The following DSE variants were observed in gnomAD, a reference collection of about 807,000 sequenced individuals.
The protein encoded by DSE is dermatan sulfate epimerase, also known as dermatan-sulfate epimerase.
In DSE, 36 loss-of-function variants were observed where a neutral mutation model predicts 84.4. The ratio of observed to expected loss-of-function variants is 0.43; its 90% CI spans 0.33 to 0.56. DSE has a LOEUF of 0.56. DSE is among the 20% of genes least tolerant of loss of function. DSE has a pLI of 0.06. For missense variants in DSE, 862 were observed against 1,169.6 expected (o/e 0.74, Z 3.84); for synonymous variants, 410 against 430.1 (o/e 0.95, Z 0.58).
chr6:116,281,012 T>C (rs987145558), intron 2 of DSE, among the ~76,000 whole-genome samples: 2 of 152,182 alleles, frequency 1.3e-5, no homozygotes, highest in Non-Finnish European at 1.5e-5. Flanking sequence ...TTCGCAGATA[T>C]GATTAAGTTA....
chr6:116,338,171 CTTTCTCTT>C (rs201859403), intron 2 of DSE, among the ~76,000 whole-genome samples: 1,069 of 44,494 alleles, frequency 0.024, 14 homozygotes, highest in African/African-American at 0.044. Flanking sequence ...CTTTCTGTCT[CTTTCTCTT>C]TCTTTCTTTC....
At chr6:116,424,686 G>A (rs1783315791) in intron 2 of DSE, among the ~76,000 whole-genome samples, 1 of 152,120 alleles carries the variant, frequency 6.6e-6, no homozygotes, top group Non-Finnish European at 1.5e-5. Context: ...TCTAGGAGGG[G>A]AAACATATAC....
At chr6:116,428,866 G>A (rs939781692) in intron 3 of DSE, among the ~76,000 whole-genome samples, 1 of 152,122 alleles carries the variant, frequency 6.6e-6, no homozygotes, top group Non-Finnish European at 1.5e-5. Flanking sequence ...AACATTCCAG[G>A]CAAGGTATTC....
intron 2 of DSE, chr6:116,279,451 C>T: frequency 6.2e-7 from 1 of 1,613,358 alleles, no homozygotes; most frequent in Non-Finnish European, 8.5e-7. Flanking sequence ...CTTCTCTCCA[C>T]CCTGAACGCC....
At chr6:116,295,401 T>C (rs983238839) in intron 2 of DSE, among the ~76,000 whole-genome samples, 1 of 152,210 alleles carries the variant, frequency 6.6e-6, no homozygotes, top group African/African-American at 2.4e-5. Flanking sequence ...ACTACATCCA[T>C]TGATTTTTTT....
intron 2 of DSE, among the ~76,000 whole-genome samples, chr6:116,425,238 A>G (rs532386706): frequency 6.6e-6 from 1 of 152,332 alleles, no homozygotes; most frequent in Non-Finnish European, 1.5e-5. Flanking sequence ...ATTTCCATGT[A>G]TCCTTACATA....
intron 2 of DSE, among the ~76,000 whole-genome samples, chr6:116,406,101 G>A (rs557643915): frequency 3.9e-5 from 6 of 152,166 alleles, no homozygotes; most frequent in African/African-American, 1.4e-4. Context: ...TATGTTTATT[G>A]ACTCTAAGAT....
intron 2 of DSE, among the ~76,000 whole-genome samples, chr6:116,300,824 A>G (rs1774993469): frequency 1.3e-5 from 2 of 152,222 alleles, no homozygotes; most frequent in South Asian, 4.1e-4. Flanking sequence ...TCCTAATGCC[A>G]GCAGGCAGCA....
intron 2 of DSE, among the ~76,000 whole-genome samples, chr6:116,405,147 A>G (rs1367376286): frequency 6.6e-6 from 1 of 152,240 alleles, no homozygotes; most frequent in African/African-American, 2.4e-5. Context: ...AACCAGTTTC[A>G]TTGCTGTACG....
intron 2 of DSE, among the ~76,000 whole-genome samples, chr6:116,407,487 A>G (rs1270232904): frequency 1.3e-5 from 2 of 152,222 alleles, no homozygotes; most frequent in Non-Finnish European, 2.9e-5. Context: ...GCAAGGGCTC[A>G]TAGATAACCT....
At chr6:116,349,691 G>A (rs562695897) in intron 2 of DSE, among the ~76,000 whole-genome samples, 2 of 152,128 alleles carry the variant, frequency 1.3e-5, no homozygotes, top group Non-Finnish European at 2.9e-5. Context: ...GAAGCTGCCT[G>A]TCCTCATGGC....
At chr6:116,420,555 C>T (rs1035256054) in intron 2 of DSE, among the ~76,000 whole-genome samples, 7 of 152,186 alleles carry the variant, frequency 4.6e-5, no homozygotes, top group Non-Finnish European at 8.8e-5. Flanking sequence ...CCTGACCATG[C>T]GGGCACCCTG....
chr6:116,258,597 C>T (rs1344472612), exon 2 of DSE: 1 of 1,610,842 alleles, frequency 6.2e-7, no homozygotes. Context: ...GCTCCTCTGC[C>T]AGGCACTCAG....
chr6:116,380,716 C>A (rs1164319556), intron 1 of DSE, among the ~76,000 whole-genome samples: 1 of 152,188 alleles, frequency 6.6e-6, no homozygotes, highest in Non-Finnish European at 1.5e-5. Flanking sequence ...AAGTCTCAGA[C>A]CCTGCCTCCC....
intron 2 of DSE, among the ~76,000 whole-genome samples, chr6:116,263,352 A>T (rs1354721887): frequency 2.1e-5 from 3 of 145,140 alleles, no homozygotes; most frequent in African/African-American, 7.3e-5. Flanking sequence ...CCATTATGTA[A>T]TGCCCTTCTT....
intron 2 of DSE, among the ~76,000 whole-genome samples, chr6:116,353,718 C>T (rs1308895417): frequency 2.0e-5 from 3 of 152,176 alleles, no homozygotes; most frequent in African/African-American, 4.8e-5. Context: ...ATCTGACTGT[C>T]TCCAACCATT....
At chr6:116,360,963 T>C (rs927162257) in intron 2 of DSE, among the ~76,000 whole-genome samples, 3 of 152,220 alleles carry the variant, frequency 2.0e-5, no homozygotes, top group Non-Finnish European at 4.4e-5. Flanking sequence ...ACAGCTATTA[T>C]TGTAAAATTT....
intron 2 of DSE, among the ~76,000 whole-genome samples, chr6:116,421,463 A>ATATATATATATATATTTTTTTTTTTTTTT (rs1357496121): frequency 1.6e-5 from 1 of 61,346 alleles, no homozygotes; most frequent in Non-Finnish European, 2.7e-5. Context: ...ATATATATAT[A>ATATATATATATATATTTTTTTTTTTTTTT]TTTTTTTTTT....
intron 2 of DSE, among the ~76,000 whole-genome samples, chr6:116,266,692 TAAG>T (rs1452268694): frequency 6.6e-6 from 1 of 152,232 alleles, no homozygotes; most frequent in Non-Finnish European, 1.5e-5. Flanking sequence ...ATAAAAATCC[TAAG>T]AATTAGAAAG....
Sources: gnomAD v4.1 joint callset for allele counts (sites outside exome capture counted in the v4.1 genomes callset) on GRCh38, gnomAD v4.1.1 for gene constraint, MANE v1.5 for transcripts, NCBI Gene and HGNC (gene_info 2026-07-23, HGNC 2026-07-21) for gene names.